The following AMZ2 variants were observed in gnomAD, a reference collection of about 807,000 sequenced individuals.
The protein encoded by AMZ2 is archaelysin family metallopeptidase 2.
AMZ2 carries 26 observed loss-of-function variants against 36.7 expected under a neutral mutation model. The ratio of observed to expected loss-of-function variants is 0.71; its 90% CI spans 0.52 to 0.98. The LOEUF (loss-of-function observed/expected upper bound fraction) is 0.98, where lower values mean the gene tolerates loss of function less well. Among genes scored for constraint, AMZ2 ranks in the 50% least tolerant of loss-of-function variants. AMZ2 has a pLI of 0.00. For missense variants in AMZ2, 394 were observed against 430.5 expected (o/e 0.92, Z 0.75); for synonymous variants, 144 against 149.1 (o/e 0.97, Z 0.25).
intron 1 of AMZ2, among the ~76,000 whole-genome samples, chr17:68,226,600 G>A (rs1314502106): frequency 1.3e-5 from 2 of 152,216 alleles, no homozygotes; most frequent in Non-Finnish European, 2.9e-5. Flanking sequence ...CTGATCTCCA[G>A]TGACTTAGGT....
At chr17:68,228,628 A>T (rs3863514) in intron 1 of AMZ2, among the ~76,000 whole-genome samples, 22,350 of 152,182 alleles carry the variant, frequency 0.15, 1,785 homozygotes, top group East Asian at 0.29. Flanking sequence ...CCCTGTGGAG[A>T]TAGCTTCAGT....
chr17:68,255,925 T>A, intron 6 of AMZ2, 49 bp downstream of exon 6: 4 of 1,572,648 alleles, frequency 2.5e-6, no homozygotes, highest in Non-Finnish European at 3.5e-6. Context: ...GTTATCTGAG[T>A]AGCAAACCCA....
At chr17:68,246,179 G>C (rs1162853592), upstream of AMZ2, among the ~76,000 whole-genome samples, 2 of 99,744 alleles carry the variant, frequency 2.0e-5, no homozygotes, top group African/African-American at 3.6e-5. Flanking sequence ...ACGAAACCCT[G>C]TCTCTACTAA....
rs782279489 is a variant in AMZ2 at position 68,256,907 on chromosome 17, G to A, written c.1021G>A (p.Val341Met). 1.4e-5 allele frequency: 22 copies of A among 1,614,038 alleles called. No homozygotes were observed. In the Admixed American group the frequency reaches 2.0e-4, roughly 15 times the overall value. Residue 341 changes from valine to methionine, a missense_variant, in exon 7 of 7, where the codon GTG becomes ATG. Physicochemically the swap from Val to Met is conservative, Grantham distance 21. Transcript: ENST00000359904. ...HEDNGNLPKP[V>M]EAFKEWKEWI... Reference sequence around the variant, plus strand: ...GGATAATGGGAATTTACCGAAACCCGTGGAAGCCTTTAAGGAATGGAAAGA... The same window carrying A: ...GGATAATGGGAATTTACCGAAACCCATGGAAGCCTTTAAGGAATGGAAAGA...
chr17:68,240,031 T>A (rs1328380800), intron 1 of AMZ2, among the ~76,000 whole-genome samples: 1 of 152,178 alleles, frequency 6.6e-6, no homozygotes, highest in African/African-American at 2.4e-5. Context: ...TATGATAAAC[T>A]GGATGGTTTA....
chr17:68,208,200 C>T (rs1300304057), intron 1 of AMZ2, among the ~76,000 whole-genome samples: 8 of 152,344 alleles, frequency 5.3e-5, no homozygotes, highest in African/African-American at 1.7e-4. Context: ...GAAGTGCGGG[C>T]ACAGGGCGCG....
chr17:68,219,386 C>G lies in AMZ2; in HGVS notation c.-67+13148C>G, dbSNP rs115627142. ...TGGTTCTGTTTGCCACATGGCAAATCCTACTCATCCTTCAAGACCCAGTTC... is the reference window on the plus strand; with the variant it reads ...TGGTTCTGTTTGCCACATGGCAAATGCTACTCATCCTTCAAGACCCAGTTC... On this transcript the variant is annotated intron_variant, in intron 1 of 7. Transcript: ENST00000674770. Among the ~76,000 whole-genome samples, 340 of 152,318 alleles carry G rather than the reference C, an allele frequency of 2.2e-3. 1 individual carries two copies. Among genetic ancestry groups the G allele is most frequent in the African/African-American group, 7.9e-3 (327 of 41,564 alleles).
chr17:68,247,361 G>C (rs146331265), upstream of AMZ2: 2,089 of 124,232 alleles, frequency 0.017, 52 homozygotes, highest in African/African-American at 0.062. Flanking sequence ...AAAAAAAAAA[G>C]CAAGAAAAAG....
chr17:68,255,904 A>G lies in AMZ2; in HGVS notation c.927+28A>G, dbSNP rs189147662. The G allele has an allele frequency of 5.3e-4, 854 of 1,608,194 alleles. 2 individuals carry two copies. In the African/African-American group the frequency reaches 0.01, roughly 20 times the overall value. On this transcript the variant is annotated intron_variant, in intron 6 of 6. Coordinates refer to ENST00000359904, the MANE Select transcript of AMZ2 (RefSeq NM_016627.5). ...AAGTTGGGGGGTGGACAGTCTAAAG[A>G]GGGGGAAGTGGTTATCTGAGTAGCA...
chr17:68,253,039 C>T (rs1297192634), intron 4 of AMZ2, among the ~76,000 whole-genome samples: 1 of 152,120 alleles, frequency 6.6e-6, no homozygotes, highest in Non-Finnish European at 1.5e-5. Context: ...GTCTTGTTTT[C>T]TCCGAGTTTA....
upstream of AMZ2, among the ~76,000 whole-genome samples, chr17:68,243,043 C>CA (rs35857340): frequency 0.017 from 1,749 of 105,002 alleles, 29 homozygotes; most frequent in African/African-American, 0.034. Context: ...GGCTCTGTCT[C>CA]AAAAAAAAAA....
Position 68,254,489 on chromosome 17 carries a change from ATCT to A in AMZ2, c.675_677del (p.Ser227del). ...GCAAAGTGAAGAAGCTCAAGAAAAC[ATCT>A]TCAAGTGACTATTCAATTTTCGACA... On this transcript the variant is annotated inframe_deletion, in exon 5 of 7. Coordinates refer to ENST00000359904, the MANE Select transcript of AMZ2 (RefSeq NM_016627.5). The A allele has an allele frequency of 6.2e-7, 1 of 1,613,396 alleles. No individual in the cohort carries two copies. Among genetic ancestry groups the A allele is most frequent in the East Asian group, 2.2e-5 (1 of 44,890 alleles).
intron 1 of AMZ2, among the ~76,000 whole-genome samples, chr17:68,226,190 C>G (rs1415266176): frequency 2.6e-5 from 4 of 152,070 alleles, no homozygotes; most frequent in African/African-American, 9.7e-5. Flanking sequence ...AAGTGTATCA[C>G]TTCACAAAGG....
chr17:68,220,220 A>C (rs1437617101), intron 1 of AMZ2, among the ~76,000 whole-genome samples: 1 of 152,248 alleles, frequency 6.6e-6, no homozygotes, highest in African/African-American at 2.4e-5. Flanking sequence ...TCTGTTTTCT[A>C]AATTTTCTAC....
intron 5 of AMZ2, 78 bp downstream of exon 5, chr17:68,254,645 T>C (rs1182623454): frequency 1.2e-5 from 15 of 1,243,784 alleles, no homozygotes; most frequent in Non-Finnish European, 1.6e-5. Flanking sequence ...TGTCAGTCCG[T>C]AAGGTAATAT....
chr17:68,226,250 G>A (rs1470141972), intron 1 of AMZ2, among the ~76,000 whole-genome samples: 1 of 152,116 alleles, frequency 6.6e-6, no homozygotes, highest in Non-Finnish European at 1.5e-5. Flanking sequence ...AAAAGGACTG[G>A]GAGAAGACCT....
At chr17:68,221,209 T>TCCCCCCCCCCCCCCC (rs55937321) in intron 1 of AMZ2, among the ~76,000 whole-genome samples, 17 of 66,776 alleles carry the variant, frequency 2.5e-4, no homozygotes, top group South Asian at 6.1e-4. Context: ...AGCCCTCAGC[T>TCCCCCCCCCCCCCCC]CCCCCCCCCG....
upstream of AMZ2, chr17:68,247,985 A>T (rs551388347): frequency 3.5e-4 from 342 of 985,520 alleles, no homozygotes; most frequent in African/African-American, 5.5e-3. Flanking sequence ...GGCGTGCGCG[A>T]CGCAGCGGCG....
At chr17:68,212,584 T>G (rs528927323) in intron 1 of AMZ2, among the ~76,000 whole-genome samples, 58 of 152,260 alleles carry the variant, frequency 3.8e-4, no homozygotes, top group African/African-American at 1.3e-3. Context: ...CTTTCTTTTT[T>G]CAGGGTCTCT....
Sources: gnomAD v4.1 joint callset for allele counts (sites outside exome capture counted in the v4.1 genomes callset) on GRCh38, gnomAD v4.1.1 for gene constraint, MANE v1.5 for transcripts, NCBI Gene and HGNC (gene_info 2026-07-23, HGNC 2026-07-21) for gene names.